The following TRPM1 variants were observed in gnomAD, a reference collection of about 807,000 sequenced individuals.
The protein encoded by TRPM1 is transient receptor potential cation channel subfamily M member 1, also known as TRPM1-203 APA Isoform, Intron 10.
TRPM1 carries 113 observed loss-of-function variants against 149.4 expected under a neutral mutation model. That is an observed-to-expected ratio of 0.76 (90% confidence interval 0.65 to 0.88). The LOEUF (loss-of-function observed/expected upper bound fraction) is 0.88. TRPM1 is among the 40% of genes least tolerant of loss of function. The probability of loss-of-function intolerance (pLI) is 0.00; values close to 1 mark genes in which losing one functional copy is unlikely to be tolerated. For synonymous variants in TRPM1, 741 were observed against 759.5 expected, an observed-to-expected ratio of 0.98 and a Z score of 0.40; for missense variants, 1,976 against 2,038.7, an observed-to-expected ratio of 0.97 and a Z score of 0.59.
intron 1 of TRPM1, among the ~76,000 whole-genome samples, chr15:31,092,457 G>C (rs1365845040): frequency 1.3e-5 from 2 of 152,184 alleles, no homozygotes; most frequent in African/African-American, 4.8e-5. Context: ...CGACCACGCG[G>C]CCAGGCAGCC....
In TRPM1 at chr15:31,066,209, A is replaced by T. The variant is rs2140961208; in HGVS notation, c.657T>A (p.Ser219Arg). The T allele has an allele frequency of 1.2e-6, 2 of 1,614,184 alleles. No individual in the cohort carries two copies. The highest frequency in any genetic ancestry group is 1.7e-6 in the Non-Finnish European group (2 of 1,180,018). Reference sequence around the variant, plus strand: ...GGGAGTTGTTGAGCACAGAGAGCTTACTTAGAGGGTTGGACATGGTCTGGT... The same window carrying T: ...GGGAGTTGTTGAGCACAGAGAGCTTTCTTAGAGGGTTGGACATGGTCTGGT... ...RVYQTMSNPL[S>R]KLSVLNNSHT... Residue 219 changes from serine to arginine, a missense_variant, in exon 7 of 28, where the codon AGT becomes AGA. By Grantham distance (110) the Ser-to-Arg change is moderately radical (BLOSUM62 -1). This residue lies in a region of TRPM1 where 1,332 missense variants were observed against 1,347.1 expected (regional missense o/e 0.99). Coordinates refer to ENST00000256552, the MANE Select transcript of TRPM1 (RefSeq NM_001252024.2).
At chr15:31,026,407 T>C in intron 26 of TRPM1, 136 bp from the exon 27 acceptor site, 3 of 1,073,512 alleles carry the variant, frequency 2.8e-6, no homozygotes, top group Middle Eastern at 2.4e-4. Flanking sequence ...ACTACTCCAA[T>C]TGATTTTTAT....
In TRPM1 at chr15:31,003,757, T is replaced by C. The variant is rs2031878557; in HGVS notation, c.3630-687A>G. 3.3e-5 allele frequency among the ~76,000 whole-genome samples: 5 copies of C among 152,172 alleles called. No homozygotes were observed. The South Asian group carries it at 1.0e-3, about 32-fold the overall frequency. On this transcript the variant is annotated intron_variant, in intron 27 of 27. Transcript: ENST00000256552. Reference sequence around the variant, plus strand: ...GTAGGTGATTTAATTGTCTGAAGAATACCAAAAACTTTAAATTATTCTTTA... The same window carrying C: ...GTAGGTGATTTAATTGTCTGAAGAACACCAAAAACTTTAAATTATTCTTTA...
intron 1 of TRPM1, among the ~76,000 whole-genome samples, chr15:31,131,640 G>C (rs2141043527): frequency 6.6e-6 from 1 of 152,310 alleles, no homozygotes; most frequent in South Asian, 2.1e-4. Flanking sequence ...ATGAAGGGGG[G>C]ACTGCTGTAG....
chr15:31,116,998 A>G (rs1271907125), intron 1 of TRPM1, among the ~76,000 whole-genome samples: 1 of 152,234 alleles, frequency 6.6e-6, no homozygotes, highest in African/African-American at 2.4e-5. Context: ...CTAGACTCAG[A>G]TACAGCAGAG....
intron 1 of TRPM1, among the ~76,000 whole-genome samples, chr15:31,082,891 G>C (rs2034900048): frequency 6.6e-6 from 1 of 152,154 alleles, no homozygotes; most frequent in Non-Finnish European, 1.5e-5. Context: ...GGGGAGCCCA[G>C]AAATGGTGGG....
chr15:31,106,774 T>C (rs975964157), intron 1 of TRPM1, among the ~76,000 whole-genome samples: 1 of 152,352 alleles, frequency 6.6e-6, no homozygotes, highest in East Asian at 1.9e-4. Context: ...CATTTGTCTG[T>C]AATCTTTAGG....
At chr15:31,020,495 C>T (rs1440342599) in intron 27 of TRPM1, among the ~76,000 whole-genome samples, 1 of 152,238 alleles carries the variant, frequency 6.6e-6, no homozygotes, top group Non-Finnish European at 1.5e-5. Flanking sequence ...ACCACACTGA[C>T]CTGGCCCAGT....
chr15:31,149,740 CG>C (rs1300029314), intron 1 of TRPM1, among the ~76,000 whole-genome samples: 1 of 151,920 alleles, frequency 6.6e-6, no homozygotes, highest in Non-Finnish European at 1.5e-5. Flanking sequence ...AGGATGGTCT[CG>C]ATCTCCTGAC....
At chr15:31,024,110 G>A (rs2032640167) in intron 27 of TRPM1, among the ~76,000 whole-genome samples, 1 of 152,174 alleles carries the variant, frequency 6.6e-6, no homozygotes, top group South Asian at 2.1e-4. Flanking sequence ...CAAGGCAGGG[G>A]CTGACATGCT....
intron 4 of TRPM1, chr15:31,069,447 A>T: frequency 9.8e-7 from 1 of 1,016,128 alleles, no homozygotes; most frequent in Non-Finnish European, 1.2e-6. Flanking sequence ...AAATAAAATG[A>T]AATTGCAAAA....
At chr15:31,067,822 C>T in intron 5 of TRPM1, 57 bp downstream of exon 5, 1 of 1,558,320 alleles carries the variant, frequency 6.4e-7, no homozygotes, top group Non-Finnish European at 8.8e-7. Context: ...TCTTTGGGGA[C>T]CACAGTGAGT....
intron 1 of TRPM1, among the ~76,000 whole-genome samples, chr15:31,154,454 C>T (rs2036341981): frequency 6.6e-6 from 1 of 152,212 alleles, no homozygotes; most frequent in East Asian, 1.9e-4. Flanking sequence ...AAAATTATGA[C>T]TAAGACAGTG....
At chr15:31,045,627 G>A (rs1282600443) in intron 16 of TRPM1, among the ~76,000 whole-genome samples, 1 of 152,192 alleles carries the variant, frequency 6.6e-6, no homozygotes, top group East Asian at 1.9e-4. Flanking sequence ...ATGACTTCAG[G>A]GATGCACTGC....
At chr15:31,014,567 C>T (rs1013840161) in intron 27 of TRPM1, among the ~76,000 whole-genome samples, 7 of 152,202 alleles carry the variant, frequency 4.6e-5, no homozygotes, top group African/African-American at 1.7e-4. Flanking sequence ...CCCTAGGTTG[C>T]TTAATAAGCC....
At chr15:31,131,859 G>A (rs1246428439) in intron 1 of TRPM1, among the ~76,000 whole-genome samples, 1 of 149,838 alleles carries the variant, frequency 6.7e-6, no homozygotes, top group East Asian at 2.0e-4. Flanking sequence ...GGCTCTCTGT[G>A]AGTGTAGTTC....
chr15:31,156,195 CAAAAAAAA>C (rs35981768), intron 1 of TRPM1, among the ~76,000 whole-genome samples: 11 of 36,656 alleles, frequency 3.0e-4, no homozygotes, highest in African/African-American at 9.2e-4. Flanking sequence ...AGACCTCTGT[CAAAAAAAA>C]AAAAAAAAAA....
At chr15:31,119,597 A>G in intron 1 of TRPM1, among the ~76,000 whole-genome samples, 1 of 152,202 alleles carries the variant, frequency 6.6e-6, no homozygotes, top group Non-Finnish European at 1.5e-5. Flanking sequence ...AATAAAGGTA[A>G]AGTAAAACCT....
At chr15:31,113,406 A>G (rs940999974) in intron 1 of TRPM1, among the ~76,000 whole-genome samples, 11 of 149,892 alleles carry the variant, frequency 7.3e-5, no homozygotes, top group African/African-American at 2.5e-4. Flanking sequence ...ACCTATGCAT[A>G]CAGAATTCAA....
Sources: allele counts gnomAD v4.1 joint callset (sites outside exome capture counted in the v4.1 genomes callset), GRCh38; gene constraint gnomAD v4.1.1; regional missense constraint gnomAD v4.1.1; transcripts MANE v1.5; gene names NCBI Gene and HGNC (gene_info 2026-07-23, HGNC 2026-07-21).